The following CFAP69 variants were observed in gnomAD, a reference collection of about 807,000 sequenced individuals.
CFAP69 encodes cilia- and flagella-associated protein 69.
CFAP69 carries 92 observed loss-of-function variants against 123.0 expected under a neutral mutation model. The ratio of observed to expected loss-of-function variants is 0.75; its 90% CI spans 0.63 to 0.89. The LOEUF is 0.89. Among genes scored for constraint, CFAP69 ranks in the 40% least tolerant of loss-of-function variants. The pLI, the probability that CFAP69 is intolerant of heterozygous loss-of-function variation, is 0.00. For missense variants in CFAP69, 1,067 were observed against 1,096.9 expected (o/e 0.97, Z 0.39); for synonymous variants, 380 against 364.3 (o/e 1.04, Z -0.49).
chr7:90,311,166 C>A (rs961830555), downstream of CFAP69: 4 of 152,078 alleles, frequency 2.6e-5, no homozygotes, highest in East Asian at 7.8e-4. Context: ...GAGATAAATG[C>A]CTTTATGCTG....
chr7:90,279,604 A>T, intron 11 of CFAP69, 73 bp from the exon 12 acceptor site: 1 of 895,644 alleles, frequency 1.1e-6, no homozygotes, highest in Non-Finnish European at 1.6e-6. Context: ...ATCAAAATGT[A>T]AATTTTTATT....
intron 17 of CFAP69, chr7:90,303,563 G>A: frequency 1.0e-6 from 1 of 961,654 alleles, no homozygotes. Context: ...TTGTTTCTGA[G>A]TTTTGACCTA....
intron 13 of CFAP69, among the ~76,000 whole-genome samples, chr7:90,283,380 A>G (rs1285113823): frequency 6.6e-6 from 1 of 152,136 alleles, no homozygotes; most frequent in Non-Finnish European, 1.5e-5. Context: ...TTTTGGAGCT[A>G]TTTTAAAACA....
chr7:90,300,105 T>C, intron 17 of CFAP69, 46 bp downstream of exon 17: 2 of 1,396,182 alleles, frequency 1.4e-6, no homozygotes, highest in Non-Finnish European at 9.4e-7. Context: ...ATGTATATAT[T>C]TTAAAAGATC....
At chr7:90,277,622 C>T (rs1788807362) in intron 11 of CFAP69, among the ~76,000 whole-genome samples, 1 of 152,052 alleles carries the variant, frequency 6.6e-6, no homozygotes, top group South Asian at 2.1e-4. Context: ...ATGAAAGAAG[C>T]TTCACATAGG....
chr7:90,323,207 T>C, the CFAP69 span, among the ~76,000 whole-genome samples: 3 of 152,338 alleles, frequency 2.0e-5, no homozygotes, highest in Non-Finnish European at 2.9e-5. Context: ...ATATTCTTTA[T>C]GTGAGTGATT....
At chr7:90,278,379 A>C (rs531659862) in intron 11 of CFAP69, among the ~76,000 whole-genome samples, 38 of 152,252 alleles carry the variant, frequency 2.5e-4, no homozygotes, top group African/African-American at 8.9e-4. Flanking sequence ...TATATTTTCA[A>C]ATGCTCAGGA....
intron 16 of CFAP69, among the ~76,000 whole-genome samples, chr7:90,298,187 CT>C (rs1456126874): frequency 2.0e-5 from 3 of 152,270 alleles, no homozygotes; most frequent in Non-Finnish European, 2.9e-5. Flanking sequence ...GTTTCTTCCC[CT>C]GATATTAAAA....
intron 3 of CFAP69, among the ~76,000 whole-genome samples, chr7:90,259,781 T>G (rs950218499): frequency 6.6e-6 from 1 of 151,900 alleles, no homozygotes. Flanking sequence ...CCACCACAGC[T>G]GGCCATTTTT....
In CFAP69 at chr7:90,260,524, C is replaced by T. The variant is rs1465593030; in HGVS notation, c.247-1423C>T. On this transcript the variant is annotated intron_variant, in intron 3 of 22. Transcript: ENST00000389297. ...CTGGGTATGGGTGACTGAGTGAGAT[C>T]CTGTCTCTAAAAAAAAGAAAAAAAG... 3.3e-5 allele frequency among the ~76,000 whole-genome samples: 5 copies of T among 152,084 alleles called. No homozygotes were observed. In the South Asian group the frequency reaches 1.0e-3, roughly 32 times the overall value.
intron 20 of CFAP69, 147 bp downstream of exon 20, chr7:90,307,245 C>T: frequency 1.5e-6 from 1 of 669,530 alleles, no homozygotes; most frequent in Non-Finnish European, 2.6e-6. Context: ...TCAAAATACC[C>T]AGAAGACTTG....
intron 1 of CFAP69, among the ~76,000 whole-genome samples, chr7:90,250,187 GGAGAGAGAGAGA>G (rs10527106): frequency 0.075 from 9,375 of 125,740 alleles, 603 homozygotes; most frequent in Non-Finnish European, 0.092. Context: ...TTTAAAGAGA[GGAGAGAGAGAGA>G]GAGAGAGAGA....
chr7:90,296,617 C>T (rs1451241330), intron 15 of CFAP69, among the ~76,000 whole-genome samples: 1 of 151,824 alleles, frequency 6.6e-6, no homozygotes, highest in Admixed American at 6.6e-5. Context: ...CTGACCACCA[C>T]ACCCAGCCTG....
rs565958733 is a variant in CFAP69, at chr7:90,294,881, A to C, written c.1776-2868A>C. Reference sequence around the variant, plus strand: ...TTTACCATTCATTCAACTGGTTTGCACAGAGGGGAAGGGAAGGGAAAAAGG... The same window carrying C: ...TTTACCATTCATTCAACTGGTTTGCCCAGAGGGGAAGGGAAGGGAAAAAGG... On this transcript the variant is annotated intron_variant, in intron 15 of 22. Transcript: ENST00000389297. Among the ~76,000 whole-genome samples the C allele has an allele frequency of 5.3e-5, 8 of 152,292 alleles. No homozygotes were observed. The East Asian group carries it at 1.5e-3, about 29-fold the overall frequency.
intron 21 of CFAP69, among the ~76,000 whole-genome samples, chr7:90,308,233 T>C (rs115693390): frequency 1.3e-5 from 2 of 152,068 alleles, no homozygotes; most frequent in Admixed American, 1.3e-4. Context: ...TATTACTCTG[T>C]CCCCCAAGAG....
chr7:90,245,491 A>G lies in CFAP69; in HGVS notation c.67A>G (p.Ser23Gly), dbSNP rs1363273681. 6.5e-7 allele frequency: 1 copy of G among 1,543,148 alleles called. No homozygotes were observed. Among genetic ancestry groups the G allele is most frequent in the Non-Finnish European group, 8.7e-7 (1 of 1,147,984 alleles). ...QESGIRNKSSSSSQIPVVGVV... is the reference protein window; with the variant it reads ...QESGIRNKSSGSSQIPVVGVV... ...ATCCGGCATCAGGAACAAGTCTAGCAGTTCCAGTCAAATCCCGGTGGTTGG... is the reference window on the plus strand; with the variant it reads ...ATCCGGCATCAGGAACAAGTCTAGCGGTTCCAGTCAAATCCCGGTGGTTGG... The change falls in exon 1 of 23, where the codon AGT becomes GGT. Residue 23 changes from serine to glycine, a missense_variant. Physicochemically the swap from Ser to Gly is moderately conservative, Grantham distance 56 (BLOSUM62 0). Transcript: ENST00000389297.
chr7:90,315,604 G>T (rs1468970336), downstream of CFAP69, among the ~76,000 whole-genome samples: 2 of 152,108 alleles, frequency 1.3e-5, no homozygotes, highest in African/African-American at 4.8e-5. Context: ...CTACTTGATT[G>T]GTGGAGAGTG....
At chr7:90,279,995 G>C in intron 12 of CFAP69, 102 bp downstream of exon 12, 1 of 878,204 alleles carries the variant, frequency 1.1e-6, no homozygotes, top group Non-Finnish European at 1.6e-6. Context: ...TTAAAGCAAT[G>C]AGAAGTAAAA....
intron 15 of CFAP69, among the ~76,000 whole-genome samples, chr7:90,294,623 G>A (rs17866235): frequency 0.02 from 2,990 of 151,842 alleles, 95 homozygotes; most frequent in East Asian, 0.11. Context: ...GGGAAACCTC[G>A]TCCAGTTTTA....
Sources: gnomAD v4.1 joint callset for allele counts (sites outside exome capture counted in the v4.1 genomes callset) on GRCh38, gnomAD v4.1.1 for gene constraint, MANE v1.5 for transcripts, NCBI Gene and HGNC (gene_info 2026-07-23, HGNC 2026-07-21) for gene names.